The following PRDM5 variants were observed in gnomAD, a reference collection of about 807,000 sequenced individuals.
PRDM5 encodes PR domain zinc finger protein 5.
Under a neutral mutation model 81.2 loss-of-function variants are expected in PRDM5, and 56 were observed. The observed-to-expected ratio is 0.69, with a 90% confidence interval of 0.56 to 0.86. PRDM5 has a LOEUF of 0.86. Among genes scored for constraint, PRDM5 ranks in the 40% least tolerant of loss-of-function variants. The probability of loss-of-function intolerance (pLI) is 0.00; values close to 1 mark genes in which losing one functional copy is unlikely to be tolerated. For missense variants in PRDM5, 697 were observed against 770.1 expected (o/e 0.91, Z 1.12); for synonymous variants, 267 against 256.4 (o/e 1.04, Z -0.39).
chr4:120,777,326 T>A, intron 12 of PRDM5, 45 bp from the exon 13 acceptor site: 1 of 1,612,020 alleles, frequency 6.2e-7, no homozygotes, highest in Non-Finnish European at 8.5e-7. Flanking sequence ...TACAAAGAAT[T>A]AGGTAAAGAT....
At chr4:120,823,348 T>A (rs1755538571) in intron 3 of PRDM5, among the ~76,000 whole-genome samples, 2 of 152,198 alleles carry the variant, frequency 1.3e-5, no homozygotes, top group South Asian at 4.1e-4. Context: ...AAAACTTTAA[T>A]TTAATGAAAG....
At chr4:120,876,398 T>C (rs1445683559) in intron 2 of PRDM5, among the ~76,000 whole-genome samples, 1 of 152,216 alleles carries the variant, frequency 6.6e-6, no homozygotes, top group Admixed American at 6.5e-5. Flanking sequence ...TGTGCTATCA[T>C]TTTTATTAGA....
At chr4:120,761,169 G>A (rs1417608154) in intron 13 of PRDM5, among the ~76,000 whole-genome samples, 1 of 152,150 alleles carries the variant, frequency 6.6e-6, no homozygotes, top group African/African-American at 2.4e-5. Flanking sequence ...TAGCTTAAAA[G>A]CTACACTATT....
chr4:120,741,613 G>C (rs548002428), intron 14 of PRDM5, among the ~76,000 whole-genome samples: 4 of 152,036 alleles, frequency 2.6e-5, no homozygotes, highest in Non-Finnish European at 5.9e-5. Context: ...TGCCTCACTC[G>C]GGAAGCACAA....
chr4:120,766,032 T>C (rs1191119692), intron 13 of PRDM5, among the ~76,000 whole-genome samples: 1 of 151,134 alleles, frequency 6.6e-6, no homozygotes, highest in Non-Finnish European at 1.5e-5. Flanking sequence ...CGATCTCAGC[T>C]CACTGCAACC....
intron 11 of PRDM5, among the ~76,000 whole-genome samples, chr4:120,783,271 C>T (rs1448390588): frequency 1.3e-5 from 2 of 152,064 alleles, no homozygotes; most frequent in East Asian, 3.8e-4. Context: ...CCTAAAATAA[C>T]TCATTTACTC....
chr4:120,855,878 A>G (rs1198484531), intron 2 of PRDM5, among the ~76,000 whole-genome samples: 3 of 152,252 alleles, frequency 2.0e-5, no homozygotes, highest in Admixed American at 6.5e-5. Flanking sequence ...GGACAGCACT[A>G]CTTAGAGAAA....
intron 2 of PRDM5, among the ~76,000 whole-genome samples, chr4:120,866,585 C>T (rs987218062): frequency 1.8e-4 from 27 of 152,108 alleles, no homozygotes; most frequent in South Asian, 4.1e-4. Context: ...ATATTAAGCA[C>T]GTTTAACAGA....
intron 12 of PRDM5, among the ~76,000 whole-genome samples, chr4:120,779,965 C>A (rs1489384921): frequency 6.6e-6 from 1 of 151,728 alleles, no homozygotes; most frequent in Non-Finnish European, 1.5e-5. Context: ...CTGTATATAA[C>A]TATATCTACT....
chr4:120,731,134 C>A (rs1199796203), intron 14 of PRDM5, among the ~76,000 whole-genome samples: 1 of 152,156 alleles, frequency 6.6e-6, no homozygotes, highest in Non-Finnish European at 1.5e-5. Context: ...CAGCAAACAA[C>A]CTAACAATTT....
downstream of PRDM5, among the ~76,000 whole-genome samples, chr4:120,689,353 C>T (rs111886173): frequency 7.1e-4 from 108 of 152,000 alleles, no homozygotes; most frequent in African/African-American, 2.4e-3. Flanking sequence ...GGATTTTATG[C>T]GAGGAGAGAA....
At chr4:120,839,555 C>A (rs769939830) in intron 3 of PRDM5, among the ~76,000 whole-genome samples, 1 of 152,156 alleles carries the variant, frequency 6.6e-6, no homozygotes, top group Non-Finnish European at 1.5e-5. Flanking sequence ...CTTTTACAGG[C>A]CTCGGAGGGG....
chr4:120,767,833 G>A (rs1746602508), intron 13 of PRDM5, among the ~76,000 whole-genome samples: 1 of 152,128 alleles, frequency 6.6e-6, no homozygotes, highest in African/African-American at 2.4e-5. Context: ...GGTGATCTTT[G>A]CTGTGCTGTT....
chr4:120,818,672 A>AG, intron 4 of PRDM5, 145 bp from the exon 5 acceptor site: 1 of 708,192 alleles, frequency 1.4e-6, no homozygotes, highest in Non-Finnish European at 2.4e-6. Flanking sequence ...AAATATTAAT[A>AG]GTATTTGGCC....
intron 13 of PRDM5, 21 bp from the exon 14 acceptor site, chr4:120,754,659 C>T (rs1744465650): frequency 1.3e-6 from 2 of 1,519,530 alleles, no homozygotes; most frequent in South Asian, 2.2e-5. Context: ...AGGAAGCCTC[C>T]ATGTCAGAAA....
intron 15 of PRDM5, among the ~76,000 whole-genome samples, chr4:120,700,236 G>A (rs558205881): frequency 6.6e-6 from 1 of 152,196 alleles, no homozygotes; most frequent in Admixed American, 6.5e-5. Context: ...AATAAGCACT[G>A]GGATATTGGC....
chr4:120,861,728 G>A (rs1021786985), intron 2 of PRDM5, among the ~76,000 whole-genome samples: 3 of 151,776 alleles, frequency 2.0e-5, no homozygotes, highest in African/African-American at 7.3e-5. Context: ...AACCAGGGAG[G>A]TGAAAGCTGC....
chr4:120,848,221 C>T (rs1001398108), intron 3 of PRDM5, among the ~76,000 whole-genome samples: 1 of 152,080 alleles, frequency 6.6e-6, no homozygotes, highest in East Asian at 1.9e-4. Context: ...GGATACATAA[C>T]ATAAATAACT....
chr4:120,821,037 G>C (rs1259336608), intron 4 of PRDM5, 134 bp downstream of exon 4: 1 of 1,080,108 alleles, frequency 9.3e-7, no homozygotes, highest in Non-Finnish European at 1.4e-6. Flanking sequence ...GGATACCCTC[G>C]AGAATAATTT....
Sources: gnomAD v4.1 joint callset for allele counts (sites outside exome capture counted in the v4.1 genomes callset) on GRCh38, gnomAD v4.1.1 for gene constraint, MANE v1.5 for transcripts, NCBI Gene and HGNC (gene_info 2026-07-23, HGNC 2026-07-21) for gene names.